ITGA2: variants seen among roughly 807,000 people sequenced by gnomAD.
ITGA2 encodes the protein integrin alpha-2.
Under a neutral mutation model 146.3 loss-of-function variants are expected in ITGA2, and 101 were observed. That is an observed-to-expected ratio of 0.69 (90% confidence interval 0.59 to 0.81). The LOEUF is 0.81. Among genes scored for constraint, ITGA2 ranks in the 40% least tolerant of loss-of-function variants. The pLI is 0.00. For missense variants in ITGA2, 1,281 were observed against 1,402.7 expected, an observed-to-expected ratio of 0.91 and a Z score of 1.39; for synonymous variants, 477 against 487.1, an observed-to-expected ratio of 0.98 and a Z score of 0.27.
intron 1 of ITGA2, 130 bp from the exon 2 acceptor site, chr5:53,026,618 T>C (rs1742960361): frequency 3.7e-6 from 3 of 810,058 alleles, no homozygotes; most frequent in Non-Finnish European, 6.1e-6. Context: ...AGTTATTTTT[T>C]CTGGGTAAAC....
At chr5:53,053,652 G>T (rs769153350) in intron 7 of ITGA2, among the ~76,000 whole-genome samples, 1 of 152,050 alleles carries the variant, frequency 6.6e-6, no homozygotes, top group Non-Finnish European at 1.5e-5. Context: ...TTGGGCCATT[G>T]TCTATCTCCC....
chr5:53,053,464 C>T (rs888913364), intron 7 of ITGA2, among the ~76,000 whole-genome samples: 7 of 152,156 alleles, frequency 4.6e-5, no homozygotes, highest in Admixed American at 1.3e-4. Flanking sequence ...TGAAAAATGG[C>T]TTTCCTGGAG....
At chr5:53,030,016 C>A (rs2111831016) in intron 2 of ITGA2, among the ~76,000 whole-genome samples, 1 of 152,266 alleles carries the variant, frequency 6.6e-6, no homozygotes, top group South Asian at 2.1e-4. Flanking sequence ...TAAGAGCCAC[C>A]ATCAGTAATA....
chr5:53,039,438 T>G (rs1367302199), intron 2 of ITGA2, among the ~76,000 whole-genome samples: 1 of 152,084 alleles, frequency 6.6e-6, no homozygotes, highest in East Asian at 1.9e-4. Context: ...TTTTTTTACA[T>G]TTACTTGGAC....
At chr5:53,046,772 C>T (rs1458052772) in intron 4 of ITGA2, among the ~76,000 whole-genome samples, 4 of 151,950 alleles carry the variant, frequency 2.6e-5, no homozygotes, top group Non-Finnish European at 1.5e-5. Context: ...ATAAGATACT[C>T]TTAAGAATTA....
intron 9 of ITGA2, among the ~76,000 whole-genome samples, chr5:53,056,784 C>T (rs1744653907): frequency 6.6e-6 from 1 of 151,382 alleles, no homozygotes; most frequent in South Asian, 2.1e-4. Flanking sequence ...TTCAGGAGCT[C>T]ACTGTGTGGG....
intron 17 of ITGA2, among the ~76,000 whole-genome samples, chr5:53,071,570 T>C (rs528780152): frequency 1.1e-4 from 16 of 151,816 alleles, no homozygotes; most frequent in Non-Finnish European, 1.8e-4. Flanking sequence ...TGCCTGTGAA[T>C]GGACTAAAGA....
rs565731164 is a variant in ITGA2, at chr5:53,037,468, C to G, written c.186-4644C>G. Among the ~76,000 whole-genome samples the G allele has an allele frequency of 7.2e-5, 11 of 152,316 alleles. No homozygotes were observed. The East Asian group carries it at 2.1e-3, about 29-fold the overall frequency. On this transcript the variant is annotated intron_variant, in intron 2 of 29. Coordinates refer to ENST00000296585, the MANE Select transcript of ITGA2 (RefSeq NM_002203.4). ...CAATTTCCCACCTTGGTAACAGTTT[C>G]TCTTGGTGTGTCTCTTCCTGCACGT...
intron 7 of ITGA2, among the ~76,000 whole-genome samples, chr5:53,053,815 G>A (rs1037709349): frequency 3.9e-5 from 6 of 152,062 alleles, no homozygotes; most frequent in Non-Finnish European, 7.4e-5. Flanking sequence ...AAGATAATCT[G>A]AAATTATTTC....
At chr5:53,056,243 A>T in intron 9 of ITGA2, 94 bp downstream of exon 9, 2 of 1,098,684 alleles carry the variant, frequency 1.8e-6, no homozygotes, top group Non-Finnish European at 2.7e-6. Flanking sequence ...TAACTTGTAT[A>T]CCATGTATAA....
intron 10 of ITGA2, among the ~76,000 whole-genome samples, chr5:53,059,280 G>C (rs1176798453): frequency 6.6e-6 from 1 of 151,884 alleles, no homozygotes. Flanking sequence ...CACAGCTAAA[G>C]TTGCCTCTTG....
At chr5:53,032,391 T>C (rs1472865977) in intron 2 of ITGA2, among the ~76,000 whole-genome samples, 3 of 152,186 alleles carry the variant, frequency 2.0e-5, no homozygotes, top group Admixed American at 6.5e-5. Context: ...TATTGAGTAC[T>C]CTTTCCTTGC....
chr5:53,094,108 A>C lies in ITGA2; in HGVS notation c.*3509A>C, dbSNP rs927073868. 3 of 152,518 alleles carry C rather than the reference A, an allele frequency of 2.0e-5. No homozygotes were observed. Among genetic ancestry groups the C allele is most frequent in the Admixed American group, 2.0e-4 (3 of 15,272 alleles). The allele number at this position is 152,518 out of a possible 1,614,324, so 9.4% of individuals were successfully genotyped here. On this transcript the variant is annotated 3_prime_UTR_variant, in exon 30 of 30. Coordinates refer to ENST00000296585, the MANE Select transcript of ITGA2 (RefSeq NM_002203.4). The stretch of plus-strand genomic sequence containing the variant: ...ATAACCCAATATATGAAAATCTCAA[A>C]AATTAAGACATCATCATACAGAAGG...
chr5:53,076,920 T>A (rs142857584), intron 23 of ITGA2, among the ~76,000 whole-genome samples: 1 of 152,138 alleles, frequency 6.6e-6, no homozygotes, highest in East Asian at 1.9e-4. Context: ...AGGTAGACAG[T>A]GAGAAGTCAT....
chr5:53,004,267 A>G (rs1371759878), intron 1 of ITGA2, among the ~76,000 whole-genome samples: 2 of 152,110 alleles, frequency 1.3e-5, no homozygotes, highest in Non-Finnish European at 2.9e-5. Context: ...GAGAACTCCA[A>G]CTCTGGAGAG....
intron 28 of ITGA2, among the ~76,000 whole-genome samples, chr5:53,088,358 C>T (rs1740217194): frequency 6.6e-6 from 1 of 152,056 alleles, no homozygotes; most frequent in Non-Finnish European, 1.5e-5. Context: ...AAGCCAATTA[C>T]TAGGTGCAAA....
At chr5:53,085,618 T>C (rs1182779155) in intron 27 of ITGA2, among the ~76,000 whole-genome samples, 2 of 152,180 alleles carry the variant, frequency 1.3e-5, no homozygotes, top group African/African-American at 4.8e-5. Context: ...GATCCAATCA[T>C]CTATATTGAG....
At chr5:53,077,450 A>G (rs1280325295) in intron 23 of ITGA2, among the ~76,000 whole-genome samples, 4 of 152,112 alleles carry the variant, frequency 2.6e-5, no homozygotes, top group African/African-American at 9.7e-5. Flanking sequence ...CTGAGTATAG[A>G]TATTTACTAT....
intron 24 of ITGA2, among the ~76,000 whole-genome samples, chr5:53,079,805 C>T (rs1745830429): frequency 6.6e-6 from 1 of 152,202 alleles, no homozygotes; most frequent in East Asian, 1.9e-4. Context: ...GCCATGGTAT[C>T]AAGTGCTTTA....
Sources: gnomAD v4.1 joint callset for allele counts (sites outside exome capture counted in the v4.1 genomes callset) on GRCh38, gnomAD v4.1.1 for gene constraint, MANE v1.5 for transcripts, NCBI Gene and HGNC (gene_info 2026-07-23, HGNC 2026-07-21) for gene names.